The following FARS2 variants were observed in gnomAD, a reference collection of about 807,000 sequenced individuals.
The protein encoded by FARS2 is phenylalanine--tRNA ligase, mitochondrial.
In FARS2, 40 loss-of-function variants were observed where a neutral mutation model predicts 46.4. The ratio of observed to expected loss-of-function variants is 0.86; its 90% CI spans 0.67 to 1.12. The LOEUF (loss-of-function observed/expected upper bound fraction) is 1.12, where lower values mean the gene tolerates loss of function less well. FARS2 is among the 50% of genes most tolerant of loss of function. The pLI is 0.00. For synonymous variants in FARS2, 234 were observed against 214.9 expected, an observed-to-expected ratio of 1.09 and a Z score of -0.78; for missense variants, 513 against 567.9, an observed-to-expected ratio of 0.90 and a Z score of 0.98.
At chr6:5,263,813 T>G (rs892502484) in intron 1 of FARS2, among the ~76,000 whole-genome samples, 5 of 152,246 alleles carry the variant, frequency 3.3e-5, no homozygotes, top group Admixed American at 3.3e-4. Flanking sequence ...GAAATTTCTC[T>G]AATCATAATA....
chr6:5,313,438 C>T (rs1161669940), intron 1 of FARS2, among the ~76,000 whole-genome samples: 2 of 152,276 alleles, frequency 1.3e-5, no homozygotes, highest in African/African-American at 2.4e-5. Context: ...AGCTGATTCC[C>T]GGCTGTATTC....
At chr6:5,448,307 G>A (rs978601638) in intron 4 of FARS2, among the ~76,000 whole-genome samples, 13 of 152,154 alleles carry the variant, frequency 8.5e-5, no homozygotes, top group African/African-American at 3.1e-4. Context: ...TTATTTTATA[G>A]GTCATGCATT....
intron 4 of FARS2, among the ~76,000 whole-genome samples, chr6:5,509,906 T>C (rs1237975474): frequency 2.6e-5 from 4 of 152,238 alleles, no homozygotes; most frequent in African/African-American, 9.6e-5. Context: ...TATTTTCCTC[T>C]TACTCAAAAT....
chr6:5,666,238 C>T (rs1778113121), intron 6 of FARS2, among the ~76,000 whole-genome samples: 1 of 152,136 alleles, frequency 6.6e-6, no homozygotes, highest in Admixed American at 6.5e-5. Flanking sequence ...ATATTTATTT[C>T]CTAACTAAAA....
chr6:5,638,763 T>C (rs1776667704), intron 6 of FARS2, among the ~76,000 whole-genome samples: 1 of 152,176 alleles, frequency 6.6e-6, no homozygotes, highest in Non-Finnish European at 1.5e-5. Flanking sequence ...TCCTGACGAC[T>C]GTCTGTGGCA....
intron 1 of FARS2, among the ~76,000 whole-genome samples, chr6:5,278,795 C>T (rs930346760): frequency 1.3e-5 from 2 of 152,138 alleles, no homozygotes; most frequent in Admixed American, 1.3e-4. Context: ...CAGCTCTTCC[C>T]AGCAAGAGAG....
chr6:5,770,737 A>C (rs1187595962), intron 6 of FARS2, among the ~76,000 whole-genome samples: 3 of 152,196 alleles, frequency 2.0e-5, no homozygotes, highest in Non-Finnish European at 2.9e-5. Context: ...GGAGAGACTA[A>C]AGTAATTCTC....
At chr6:5,676,208 A>G (rs1442883037) in intron 6 of FARS2, among the ~76,000 whole-genome samples, 1 of 152,222 alleles carries the variant, frequency 6.6e-6, no homozygotes, top group Non-Finnish European at 1.5e-5. Flanking sequence ...CCAGTCCTAA[A>G]GGAAACACAC....
intron 6 of FARS2, among the ~76,000 whole-genome samples, chr6:5,753,843 G>A (rs1258044012): frequency 1.3e-5 from 2 of 152,188 alleles, no homozygotes; most frequent in African/African-American, 4.8e-5. Flanking sequence ...CCAGCACCAT[G>A]GTGGTGCTGA....
chr6:5,524,235 A>G (rs1029976960), intron 4 of FARS2, among the ~76,000 whole-genome samples: 1 of 152,182 alleles, frequency 6.6e-6, no homozygotes, highest in African/African-American at 2.4e-5. Context: ...CCCATAGGAG[A>G]GAGGGAACTT....
At chr6:5,588,246 G>A (rs1318621129) in intron 5 of FARS2, among the ~76,000 whole-genome samples, 6 of 104,592 alleles carry the variant, frequency 5.7e-5, no homozygotes, top group Admixed American at 5.5e-4. Flanking sequence ...AGGGTGAAGG[G>A]CGGGGGAAGT....
intron 1 of FARS2, among the ~76,000 whole-genome samples, chr6:5,322,964 TCCCA>T (rs1352862396): frequency 6.6e-6 from 1 of 152,160 alleles, no homozygotes; most frequent in Non-Finnish European, 1.5e-5. Context: ...CAGCGATAGC[TCCCA>T]TCTTCAGTCC....
At chr6:5,266,971 ATATACT>A (rs1178907378) in intron 1 of FARS2, among the ~76,000 whole-genome samples, 1 of 152,076 alleles carries the variant, frequency 6.6e-6, no homozygotes, top group African/African-American at 2.4e-5. Context: ...CTTTTTTCAG[ATATACT>A]TATGAAAATC....
At chr6:5,258,566 AC>A (rs1276536295), upstream of FARS2, among the ~76,000 whole-genome samples, 1 of 152,202 alleles carries the variant, frequency 6.6e-6, no homozygotes, top group Non-Finnish European at 1.5e-5. Context: ...GAGGGAAGGG[AC>A]TTTTCCTGAA....
At chr6:5,546,472 A>G (rs3966763) in intron 5 of FARS2, among the ~76,000 whole-genome samples, 6,861 of 151,266 alleles carry the variant, frequency 0.045, 431 homozygotes, top group African/African-American at 0.15. Context: ...GGCTGGTCTC[A>G]AACTCCTGAC....
intron 6 of FARS2, among the ~76,000 whole-genome samples, chr6:5,620,097 GATATTTTGGGCCT>G (rs1775686869): frequency 1.3e-5 from 2 of 152,030 alleles, no homozygotes; most frequent in South Asian, 4.2e-4. Context: ...CTGCACTACT[GATATTTTGGGCCT>G]GGTAACTCTT....
At chr6:5,510,556 C>T (rs1054183877) in intron 4 of FARS2, among the ~76,000 whole-genome samples, 1 of 152,220 alleles carries the variant, frequency 6.6e-6, no homozygotes, top group South Asian at 2.1e-4. Context: ...GCACACGGTG[C>T]CTTTTGAGCG....
intron 1 of FARS2, among the ~76,000 whole-genome samples, chr6:5,361,409 C>G (rs1184972229): frequency 1.3e-5 from 2 of 151,970 alleles, no homozygotes; most frequent in Admixed American, 6.6e-5. Context: ...TACATTATTT[C>G]CTTGTGATAG....
intron 4 of FARS2, among the ~76,000 whole-genome samples, chr6:5,507,261 G>A (rs1768154255): frequency 6.6e-6 from 1 of 152,234 alleles, no homozygotes; most frequent in Non-Finnish European, 1.5e-5. Flanking sequence ...GTTAAGTGTG[G>A]TCACACTGGT....
Sources: gnomAD v4.1 joint callset for allele counts (sites outside exome capture counted in the v4.1 genomes callset) on GRCh38, gnomAD v4.1.1 for gene constraint, MANE v1.5 for transcripts, NCBI Gene and HGNC (gene_info 2026-07-23, HGNC 2026-07-21) for gene names.